The following RYR2 variants were observed in gnomAD, a reference collection of about 807,000 sequenced individuals.
The protein encoded by RYR2 is cardiac muscle ryanodine receptor-calcium release channel.
In RYR2, 227 loss-of-function variants were observed where a neutral mutation model predicts 601.1. That is an observed-to-expected ratio of 0.38 (90% CI 0.34 to 0.42). The LOEUF (loss-of-function observed/expected upper bound fraction) is 0.42, where lower values mean the gene tolerates loss of function less well. RYR2 is among the 10% of genes least tolerant of loss of function. The pLI, the probability that RYR2 is intolerant of heterozygous loss-of-function variation, is 1.00. For synonymous variants in RYR2, 2,223 were observed against 2,175.1 expected, an observed-to-expected ratio of 1.02 and a Z score of -0.61; for missense variants, 4,646 against 6,156.5, an observed-to-expected ratio of 0.75 and a Z score of 8.21.
chr1:237,108,613 C>T (rs1172584216), intron 1 of RYR2, among the ~76,000 whole-genome samples: 4 of 152,166 alleles, frequency 2.6e-5, no homozygotes, highest in Non-Finnish European at 5.9e-5. Flanking sequence ...TCTCCTGAGG[C>T]ACATAGGAAG....
chr1:237,253,213 G>A (rs1047016932), intron 1 of RYR2, among the ~76,000 whole-genome samples: 7 of 137,788 alleles, frequency 5.1e-5, no homozygotes, highest in Non-Finnish European at 9.3e-5. Context: ...TAAGTATACA[G>A]TGGATATTAC....
chr1:237,387,461 T>C, intron 9 of RYR2, 81 bp downstream of exon 9: 4 of 1,244,250 alleles, frequency 3.2e-6, no homozygotes, highest in East Asian at 2.3e-5. Context: ...AATGAGCTGA[T>C]TGTTAATTAG....
At chr1:237,395,574 TCTCGC>T (rs1305990499) in intron 10 of RYR2, among the ~76,000 whole-genome samples, 2 of 135,296 alleles carry the variant, frequency 1.5e-5, no homozygotes, top group Non-Finnish European at 3.2e-5. Context: ...TGAGACAGAG[TCTCGC>T]TTTGTTCCCC....
At chr1:237,593,436 A>T (rs777460635) in intron 32 of RYR2, 40 bp from the exon 33 acceptor site, 3 of 1,553,930 alleles carry the variant, frequency 1.9e-6, no homozygotes, top group East Asian at 2.3e-5. Context: ...TGTTTTGTTT[A>T]GTTTTACTTT....
At chr1:237,780,888 G>C (rs1461979902) in intron 88 of RYR2, among the ~76,000 whole-genome samples, 1 of 152,072 alleles carries the variant, frequency 6.6e-6, no homozygotes, top group East Asian at 1.9e-4. Context: ...ATAGCACCTA[G>C]AAGAAGTTAG....
rs887710755 is a variant in RYR2, at chr1:237,774,800, A to G, written c.11775+1152A>G. Reference sequence around the variant, plus strand: ...ATAAATAACAGGATTGACTGATGACATTAGCAAGCCACTGGATTTTCCAGA... The same window carrying G: ...ATAAATAACAGGATTGACTGATGACGTTAGCAAGCCACTGGATTTTCCAGA... On this transcript the variant is annotated intron_variant, in intron 87 of 104. Transcript: ENST00000366574. Among the ~76,000 whole-genome samples the G allele has an allele frequency of 1.5e-4, 23 of 152,316 alleles. 1 individual carries two copies. The highest frequency in any genetic ancestry group is 9.2e-4 in the Admixed American group (14 of 15,296).
At chr1:237,216,684 C>T (rs1203641815) in intron 1 of RYR2, among the ~76,000 whole-genome samples, 3 of 150,322 alleles carry the variant, frequency 2.0e-5, no homozygotes, top group African/African-American at 4.9e-5. Flanking sequence ...TTGCAGTGAG[C>T]GAGATCGTAC....
At chr1:237,199,208 A>T (rs1386590161) in intron 1 of RYR2, among the ~76,000 whole-genome samples, 1 of 152,200 alleles carries the variant, frequency 6.6e-6, no homozygotes, top group African/African-American at 2.4e-5. Flanking sequence ...AGATGTATAT[A>T]TGAAGGGGAA....
chr1:237,809,969 G>T (rs1205096154), intron 100 of RYR2, among the ~76,000 whole-genome samples: 1 of 151,668 alleles, frequency 6.6e-6, no homozygotes, highest in Non-Finnish European at 1.5e-5. Flanking sequence ...TATTTGGGGG[G>T]AAATGATAAA....
intron 1 of RYR2, among the ~76,000 whole-genome samples, chr1:237,118,427 G>A (rs1488749560): frequency 6.6e-6 from 1 of 151,258 alleles, no homozygotes; most frequent in Non-Finnish European, 1.5e-5. Context: ...ACTAGATTCT[G>A]TGCTTGGTAC....
At chr1:237,225,371 C>G (rs901560987) in intron 1 of RYR2, among the ~76,000 whole-genome samples, 4 of 152,154 alleles carry the variant, frequency 2.6e-5, no homozygotes, top group African/African-American at 9.7e-5. Context: ...GTTTAATGGA[C>G]TCAAATTCCA....
chr1:237,294,124 C>T (rs1692511861), intron 2 of RYR2, among the ~76,000 whole-genome samples: 1 of 152,074 alleles, frequency 6.6e-6, no homozygotes, highest in Non-Finnish European at 1.5e-5. Flanking sequence ...GGTCAAAGAC[C>T]AAATATCAGA....
chr1:237,482,394 C>T (rs1572528146), intron 17 of RYR2, among the ~76,000 whole-genome samples: 2 of 152,094 alleles, frequency 1.3e-5, no homozygotes, highest in African/African-American at 4.8e-5. Flanking sequence ...CTTCTACTTC[C>T]TGTGTCCATG....
intron 26 of RYR2, 80 bp downstream of exon 26, chr1:237,548,670 G>T: frequency 6.6e-7 from 1 of 1,518,660 alleles, no homozygotes; most frequent in South Asian, 1.3e-5. Flanking sequence ...ATTACATAAT[G>T]ACTATTTTAA....
intron 56 of RYR2, among the ~76,000 whole-genome samples, chr1:237,666,020 GA>G (rs1171999539): frequency 6.6e-6 from 1 of 152,138 alleles, no homozygotes; most frequent in Non-Finnish European, 1.5e-5. Flanking sequence ...AGAAATTAAA[GA>G]AGTCTCTTCC....
Position 237,832,700 on chromosome 1 carries a change from T to C in RYR2, c.*53T>C, listed in dbSNP as rs1663943093. 2.0e-6 allele frequency: 2 copies of C among 984,500 alleles called. No homozygotes were observed. Among genetic ancestry groups the C allele is most frequent in the South Asian group, 1.4e-5 (1 of 70,980 alleles). 61.0% of individuals were successfully genotyped at this position (984,500 alleles called of 1,614,324 possible). On this transcript the variant is annotated 3_prime_UTR_variant, in exon 105 of 105. Coordinates refer to ENST00000366574, the MANE Select transcript of RYR2 (RefSeq NM_001035.3). The stretch of plus-strand genomic sequence containing the variant: ...AAAACCCTACCCCTCTCTCTCCCTC[T>C]CTCAATTTCTCTGCTCTCTTGGAAA...
intron 3 of RYR2, among the ~76,000 whole-genome samples, chr1:237,350,591 AAAAAAAAAAAAATATATATATATAT>A (rs1395631842): frequency 4.1e-5 from 4 of 98,530 alleles, no homozygotes; most frequent in African/African-American, 1.6e-4. Flanking sequence ...AAAAAAAAAA[AAAAAAAAAAAAATATATATATATAT>A]ATATATATAT....
chr1:237,354,956 C>T (rs536861218), intron 3 of RYR2, among the ~76,000 whole-genome samples: 1 of 152,188 alleles, frequency 6.6e-6, no homozygotes, highest in African/African-American at 2.4e-5. Context: ...TTAAATATCA[C>T]TTTATAACAT....
At chr1:237,120,166 C>T (rs895209336) in intron 1 of RYR2, among the ~76,000 whole-genome samples, 2 of 152,032 alleles carry the variant, frequency 1.3e-5, no homozygotes, top group African/African-American at 4.8e-5. Flanking sequence ...GTTTAATAGT[C>T]ATTTTTTTTT....
Sources: gnomAD v4.1 joint callset for allele counts (sites outside exome capture counted in the v4.1 genomes callset) on GRCh38, gnomAD v4.1.1 for gene constraint, MANE v1.5 for transcripts, NCBI Gene and HGNC (gene_info 2026-07-23, HGNC 2026-07-21) for gene names.